PIK3C2A: variants seen among roughly 807,000 people sequenced by gnomAD.
The protein encoded by PIK3C2A is phosphatidylinositol 4-phosphate 3-kinase C2 domain-containing subunit alpha.
A neutral mutation model predicts 204.5 loss-of-function variants in PIK3C2A; 97 were observed. That is an observed-to-expected ratio of 0.47 (90% CI 0.40 to 0.56). PIK3C2A has a LOEUF of 0.56. Among genes scored for constraint, PIK3C2A ranks in the 20% least tolerant of loss-of-function variants. The pLI is 0.00. For missense variants in PIK3C2A, 1,735 were observed against 1,969.2 expected (o/e 0.88, Z 2.25); for synonymous variants, 653 against 664.4 (o/e 0.98, Z 0.26).
At chr11:17,115,403 T>G (rs1849148736) in intron 19 of PIK3C2A, among the ~76,000 whole-genome samples, 1 of 143,106 alleles carries the variant, frequency 7.0e-6, no homozygotes, top group Admixed American at 7.1e-5. Context: ...AAGACAGGCA[T>G]GGTGGCAAAC....
At position 17,168,809 on chromosome 11, in the gene PIK3C2A, CTCT is replaced by C. The variant is rs747751980; in HGVS notation, c.930_932del (p.Glu311del). ...CAAGATGACAATTTGCTGTCGATCT[CTCT>C]TCAAGAAGAACAGCATCCCAAGGAT... On this transcript the variant is annotated inframe_deletion, in exon 2 of 33. Coordinates refer to ENST00000691414, the MANE Select transcript of PIK3C2A (RefSeq NM_002645.4). The C allele has an allele frequency of 1.2e-6, 2 of 1,613,930 alleles. No individual in the cohort carries two copies. Among genetic ancestry groups the C allele is most frequent in the African/African-American group, 2.7e-5 (2 of 74,902 alleles).
chr11:17,165,455 T>C lies in PIK3C2A; in HGVS notation c.1065+3222A>G, dbSNP rs948147970. Among the ~76,000 whole-genome samples, 3 of 152,054 alleles carry C rather than the reference T, an allele frequency of 2.0e-5. No individual in the cohort carries two copies. In the East Asian group the frequency reaches 5.8e-4, roughly 29 times the overall value. On this transcript the variant is annotated intron_variant, in intron 2 of 32. Coordinates refer to ENST00000691414, the MANE Select transcript of PIK3C2A (RefSeq NM_002645.4). ...GACAGGGAACTTACTCCTTCCAAAA[T>C]AGCATGTTGTATCACTGGAGTTTGA... is the stretch of plus-strand genomic sequence containing the variant.
At position 17,118,755 on chromosome 11, in the gene PIK3C2A, A is replaced by G. The variant is rs764194652; in HGVS notation, c.2941-16T>C. On this transcript the variant is annotated splice_polypyrimidine_tract_variant and intron_variant, in intron 17 of 32. Coordinates refer to ENST00000691414, the MANE Select transcript of PIK3C2A (RefSeq NM_002645.4). ...ATTTCAAAGCCTACAGTAAAAGAAA[A>G]TAAGAATTATTAGTGGTCTAACCCA... is the stretch of plus-strand genomic sequence containing the variant. The G allele has an allele frequency of 4.8e-6, 6 of 1,245,384 alleles. No individual in the cohort carries two copies. The South Asian group carries it at 5.0e-5, about 10-fold the overall frequency. The allele number at this position is 1,245,384 out of a possible 1,614,324, so 77.1% of individuals were successfully genotyped here.
At chr11:17,162,354 A>G (rs1056910557) in intron 2 of PIK3C2A, among the ~76,000 whole-genome samples, 4 of 151,814 alleles carry the variant, frequency 2.6e-5, no homozygotes, top group African/African-American at 9.7e-5. Flanking sequence ...AAAAAAAACA[A>G]AAACAAAAAC....
chr11:17,158,348 CA>C (rs1038050449), intron 2 of PIK3C2A, among the ~76,000 whole-genome samples: 13 of 142,884 alleles, frequency 9.1e-5, no homozygotes, highest in African/African-American at 2.3e-4. Context: ...AACTCCGTCT[CA>C]AAAAAAAATA....
In PIK3C2A at chr11:17,087,236, ATTTACT is replaced by A. The variant is rs1037149549; in HGVS notation, c.*2496_*2501del. ...GGCCAGTTTGTTAAACTTTTTTTAG[ATTTACT>A]TTAATGTCAGCTTTTAAAAAATGCT... On this transcript the variant is annotated 3_prime_UTR_variant, in exon 33 of 33. Transcript: ENST00000691414. 1 of 152,170 alleles carries A rather than the reference ATTTACT, an allele frequency of 6.6e-6. No individual in the cohort carries two copies. Among genetic ancestry groups the A allele is most frequent in the Non-Finnish European group, 1.5e-5 (1 of 68,004 alleles). The allele number at this position is 152,170 out of a possible 1,614,324, so 9.4% of individuals were successfully genotyped here.
At chr11:17,112,893 C>T (rs948118528) in intron 20 of PIK3C2A, among the ~76,000 whole-genome samples, 9 of 152,174 alleles carry the variant, frequency 5.9e-5, no homozygotes, top group African/African-American at 1.9e-4. Context: ...TCAAGTGATC[C>T]TCCTGCCTCA....
At chr11:17,157,456 T>A (rs1487896452) in intron 2 of PIK3C2A, among the ~76,000 whole-genome samples, 2 of 76,398 alleles carry the variant, frequency 2.6e-5, no homozygotes, top group Admixed American at 3.1e-4. Flanking sequence ...TGAGACTCTG[T>A]CTCAAAAAAA....
At position 17,176,962 on chromosome 11, in the gene PIK3C2A, A is replaced by G. The variant is rs78308962; in HGVS notation, c.-65-7156T>C. Among the ~76,000 whole-genome samples the G allele has an allele frequency of 7.4e-3, 1,123 of 152,282 alleles. 11 individuals are homozygous for G. The highest frequency in any genetic ancestry group is 0.026 in the African/African-American group (1,085 of 41,562). On this transcript the variant is annotated intron_variant, in intron 1 of 32. Transcript: ENST00000691414. ...ATGTATTAACTAATTTAATCCTCAC[A>G]AATTTTATAAAGTAGCTATTAGTAT...
chr11:17,200,511 T>G (rs1344368170), intron 1 of PIK3C2A, among the ~76,000 whole-genome samples: 6 of 152,152 alleles, frequency 3.9e-5, no homozygotes, highest in Non-Finnish European at 8.8e-5. Context: ...CTATATACAC[T>G]GTGTGATGCC....
chr11:17,164,096 C>T (rs535769497), intron 2 of PIK3C2A, among the ~76,000 whole-genome samples: 3 of 152,170 alleles, frequency 2.0e-5, no homozygotes, highest in African/African-American at 4.8e-5. Context: ...AAATGGCATA[C>T]GTTCTAGATC....
chr11:17,178,108 A>AG (rs1452804681), intron 1 of PIK3C2A, among the ~76,000 whole-genome samples: 2 of 96,754 alleles, frequency 2.1e-5, no homozygotes, highest in Non-Finnish European at 2.1e-5. Context: ...AAAAAAAAAA[A>AG]AAAAGAAAAA....
intron 27 of PIK3C2A, 47 bp from the exon 28 acceptor site, chr11:17,094,432 C>T: frequency 1.9e-6 from 3 of 1,541,362 alleles, no homozygotes; most frequent in Non-Finnish European, 2.7e-6. Context: ...TATTTAAAAC[C>T]TTCTTTCCAG....
chr11:17,091,273 T>G, intron 32 of PIK3C2A, 61 bp downstream of exon 32: 9 of 1,503,760 alleles, frequency 6.0e-6, no homozygotes, highest in Non-Finnish European at 8.2e-6. Context: ...CGTCAGAACT[T>G]AAAAATGAAA....
chr11:17,115,715 C>G (rs1185576547), intron 19 of PIK3C2A: 1 of 152,104 alleles, frequency 6.6e-6, no homozygotes, highest in Admixed American at 6.6e-5. Context: ...GCATGCTAAT[C>G]TTCTCTGTAT....
At chr11:17,138,266 G>T in intron 8 of PIK3C2A, 1 of 785,148 alleles carries the variant, frequency 1.3e-6, no homozygotes, top group Non-Finnish European at 2.2e-6. Flanking sequence ...TTCAGGACAG[G>T]CTAGGAAAGC....
intron 3 of PIK3C2A, among the ~76,000 whole-genome samples, chr11:17,155,312 G>A (rs1353183524): frequency 1.3e-5 from 2 of 152,158 alleles, no homozygotes; most frequent in African/African-American, 4.8e-5. Flanking sequence ...TCTACTGTCT[G>A]ACCTCAATTT....
intron 7 of PIK3C2A, 62 bp downstream of exon 7, chr11:17,145,801 A>G: frequency 6.5e-7 from 1 of 1,540,200 alleles, no homozygotes; most frequent in Non-Finnish European, 9.0e-7. Context: ...TCACCAAAAT[A>G]AGTGTATTTG....
rs147419435 is a variant in PIK3C2A at position 17,089,286 on chromosome 11, C to T, written c.*452G>A. 2 of 152,770 alleles carry T rather than the reference C, an allele frequency of 1.3e-5. No individual in the cohort carries two copies. The highest frequency in any genetic ancestry group is 4.8e-5 in the African/African-American group (2 of 41,584). 9.5% of individuals were successfully genotyped at this position (152,770 alleles called of 1,614,324 possible). A position where few individuals can be genotyped will look rare whatever the true frequency, so the allele number is the denominator to read the frequency against. On this transcript the variant is annotated 3_prime_UTR_variant, in exon 33 of 33. Coordinates refer to ENST00000691414, the MANE Select transcript of PIK3C2A (RefSeq NM_002645.4). ...TGTTTTTCAGCTCCATGAATAGCAG[C>T]TGGATTTTACGGTAACATCCTGCAT... is the stretch of plus-strand genomic sequence containing the variant.
Sources: gnomAD v4.1 joint callset for allele counts (sites outside exome capture counted in the v4.1 genomes callset) on GRCh38, gnomAD v4.1.1 for gene constraint, MANE v1.5 for transcripts, NCBI Gene and HGNC (gene_info 2026-07-23, HGNC 2026-07-21) for gene names.